SRBD1: variants seen among roughly 807,000 people sequenced by gnomAD.
SRBD1 encodes S1 RNA-binding domain-containing protein 1.
Under a neutral mutation model 115.3 loss-of-function variants are expected in SRBD1, and 88 were observed. The observed-to-expected ratio is 0.76, with a 90% confidence interval of 0.64 to 0.91. SRBD1 has a LOEUF of 0.91. Among genes scored for constraint, SRBD1 ranks in the 40% least tolerant of loss-of-function variants. The pLI is 0.00. For synonymous variants in SRBD1, 509 were observed against 407.7 expected, an observed-to-expected ratio of 1.25 and a Z score of -2.99; for missense variants, 1,385 against 1,177.4, an observed-to-expected ratio of 1.18 and a Z score of -2.58.
intron 4 of SRBD1, among the ~76,000 whole-genome samples, chr2:45,594,569 G>T (rs1034623079): frequency 6.6e-6 from 1 of 152,202 alleles, no homozygotes; most frequent in Admixed American, 6.5e-5. Flanking sequence ...AGAAAGGGCT[G>T]AAAAGGAGTA....
chr2:45,505,142 C>A (rs1478008626), intron 14 of SRBD1, among the ~76,000 whole-genome samples: 4 of 152,072 alleles, frequency 2.6e-5, no homozygotes, highest in African/African-American at 9.7e-5. Context: ...TGAACAAATG[C>A]CCTCAGCCTC....
At chr2:45,395,623 CAA>C (rs1160840015) in intron 19 of SRBD1, among the ~76,000 whole-genome samples, 1 of 152,172 alleles carries the variant, frequency 6.6e-6, no homozygotes, top group Non-Finnish European at 1.5e-5. Context: ...TAAATTACTA[CAA>C]AGTCAAGTGC....
intron 7 of SRBD1, among the ~76,000 whole-genome samples, chr2:45,576,017 G>C (rs1367060840): frequency 1.3e-5 from 2 of 152,054 alleles, no homozygotes; most frequent in Admixed American, 1.3e-4. Flanking sequence ...CTTCTACATG[G>C]ATTAATTACA....
chr2:45,505,628 T>C (rs1670774673), intron 14 of SRBD1, among the ~76,000 whole-genome samples: 3 of 152,222 alleles, frequency 2.0e-5, no homozygotes, highest in Admixed American at 6.5e-5. Context: ...TATTCTAAAG[T>C]AAATAAGATG....
At chr2:45,539,239 TA>T (rs879828430) in intron 14 of SRBD1, among the ~76,000 whole-genome samples, 129 of 143,430 alleles carry the variant, frequency 9.0e-4, no homozygotes, top group Non-Finnish European at 8.9e-4. Flanking sequence ...ATTTTTTTGC[TA>T]AAAAAAAAAA....
chr2:45,553,586 A>C, intron 11 of SRBD1, 37 bp downstream of exon 11: 1 of 1,369,156 alleles, frequency 7.3e-7, no homozygotes, highest in Non-Finnish European at 1.0e-6. Flanking sequence ...ATATAACAAT[A>C]ATCAGTACAC....
chr2:45,572,447 T>C (rs1285137012), intron 9 of SRBD1, among the ~76,000 whole-genome samples: 1 of 152,094 alleles, frequency 6.6e-6, no homozygotes, highest in African/African-American at 2.4e-5. Context: ...GTTATGTTCA[T>C]CTTACCACAA....
chr2:45,535,885 G>A lies in SRBD1; in HGVS notation c.1874+10847C>T, dbSNP rs539687023. On this transcript the variant is annotated intron_variant, in intron 14 of 20. Transcript: ENST00000263736. Reference sequence around the variant, plus strand: ...AAAGACTTTTATGCTATACATGGGGGGAAGCAGGAAAAGGAGGGATTCAGT... The same window carrying A: ...AAAGACTTTTATGCTATACATGGGGAGAAGCAGGAAAAGGAGGGATTCAGT... Among the ~76,000 whole-genome samples the A allele has an allele frequency of 4.8e-4, 73 of 151,958 alleles. 1 individual carries two copies. The South Asian group carries it at 0.015, about 31-fold the overall frequency.
intron 1 of SRBD1, among the ~76,000 whole-genome samples, chr2:45,608,169 T>G (rs1674331227): frequency 6.6e-6 from 1 of 152,196 alleles, no homozygotes; most frequent in Non-Finnish European, 1.5e-5. Context: ...TGCTTAACCA[T>G]TATCCTTAAA....
At chr2:45,575,248 A>C (rs1465365406) in intron 7 of SRBD1, among the ~76,000 whole-genome samples, 1 of 152,210 alleles carries the variant, frequency 6.6e-6, no homozygotes, top group Non-Finnish European at 1.5e-5. Flanking sequence ...TTTGAATTTC[A>C]CAAATCTCAA....
chr2:45,545,053 G>C (rs897010814), intron 14 of SRBD1, among the ~76,000 whole-genome samples: 3 of 152,004 alleles, frequency 2.0e-5, no homozygotes, highest in Non-Finnish European at 2.9e-5. Flanking sequence ...GGCTGAGGCA[G>C]GCGGATCACG....
At chr2:45,550,708 A>T (rs1390770422) in intron 12 of SRBD1, among the ~76,000 whole-genome samples, 1 of 152,220 alleles carries the variant, frequency 6.6e-6, no homozygotes, top group Non-Finnish European at 1.5e-5. Context: ...GAAATGCAAA[A>T]GAAATGAAGA....
chr2:45,519,383 G>A (rs1046112534), intron 14 of SRBD1, among the ~76,000 whole-genome samples: 1 of 152,054 alleles, frequency 6.6e-6, no homozygotes, highest in Admixed American at 6.6e-5. Context: ...TTGGTCCAGG[G>A]AAACAAAAGC....
chr2:45,541,922 G>A (rs1009217500), intron 14 of SRBD1, among the ~76,000 whole-genome samples: 20 of 152,246 alleles, frequency 1.3e-4, no homozygotes, highest in Non-Finnish European at 1.0e-4. Flanking sequence ...AGTACCATAA[G>A]TTCACACTCC....
chr2:45,490,417 T>C (rs575513289), intron 14 of SRBD1, among the ~76,000 whole-genome samples: 3 of 152,296 alleles, frequency 2.0e-5, no homozygotes, highest in South Asian at 4.1e-4. Context: ...GAAACACTAC[T>C]ACAGGATAAG....
At chr2:45,424,286 C>T (rs548136875) in intron 16 of SRBD1, among the ~76,000 whole-genome samples, 4 of 152,124 alleles carry the variant, frequency 2.6e-5, no homozygotes, top group African/African-American at 9.7e-5. Context: ...GGTATTGATA[C>T]ACTTGTGTAA....
intron 7 of SRBD1, among the ~76,000 whole-genome samples, chr2:45,577,500 A>T (rs1673217092): frequency 6.6e-6 from 1 of 152,186 alleles, no homozygotes; most frequent in Non-Finnish European, 1.5e-5. Context: ...TCCGCACTTA[A>T]GCTACCTCTT....
chr2:45,595,742 T>A (rs1350085458), intron 4 of SRBD1, among the ~76,000 whole-genome samples: 2 of 152,216 alleles, frequency 1.3e-5, no homozygotes, highest in African/African-American at 4.8e-5. Flanking sequence ...TAATTGTCTG[T>A]AAAATTCAAG....
intron 14 of SRBD1, among the ~76,000 whole-genome samples, chr2:45,532,586 T>A (rs923475550): frequency 1.3e-5 from 2 of 151,808 alleles, no homozygotes; most frequent in Non-Finnish European, 2.9e-5. Flanking sequence ...TAATCCCCCA[T>A]GCCCTTGAAA....
Sources: allele counts gnomAD v4.1 joint callset (sites outside exome capture counted in the v4.1 genomes callset), GRCh38; gene constraint gnomAD v4.1.1; transcripts MANE v1.5; gene names NCBI Gene and HGNC (gene_info 2026-07-23, HGNC 2026-07-21).